Variants in AP4E1 observed in about 807,000 individuals in gnomAD.
AP4E1 encodes the protein AP-4 complex subunit epsilon-1.
In AP4E1, 56 loss-of-function variants were observed where a neutral mutation model predicts 128.2. The observed-to-expected ratio is 0.44, with a 90% CI of 0.35 to 0.55. The LOEUF is 0.55. Ranked by LOEUF, AP4E1 falls within the 20% of genes least tolerant of loss-of-function variation. AP4E1 has a pLI of 0.00. For synonymous variants in AP4E1, 484 were observed against 473.1 expected, an observed-to-expected ratio of 1.02 and a Z score of -0.30; for missense variants, 1,324 against 1,307.7, an observed-to-expected ratio of 1.01 and a Z score of -0.19.
At chr15:50,952,441 C>T (rs1038874736) in intron 13 of AP4E1, among the ~76,000 whole-genome samples, 5 of 148,728 alleles carry the variant, frequency 3.4e-5, no homozygotes, top group African/African-American at 5.0e-5. Context: ...ACTCAGGAGG[C>T]GGAGGTTGCA....
intron 14 of AP4E1, among the ~76,000 whole-genome samples, chr15:50,967,284 G>A (rs1019341469): frequency 2.0e-5 from 3 of 152,302 alleles, no homozygotes; most frequent in Admixed American, 1.3e-4. Context: ...CTTGGTAGAT[G>A]TGATGAAATT....
intron 20 of AP4E1, 67 bp downstream of exon 20, chr15:51,001,250 A>G (rs2064959262): frequency 2.8e-6 from 4 of 1,437,954 alleles, no homozygotes; most frequent in East Asian, 2.3e-5. Flanking sequence ...AACACAAATC[A>G]ACTCTTACAA....
intron 10 of AP4E1, chr15:50,945,851 C>A: frequency 1.2e-6 from 1 of 824,426 alleles, no homozygotes; most frequent in Non-Finnish European, 2.1e-6. Flanking sequence ...TGACATCTAC[C>A]AAAATCTATC....
At chr15:50,995,520 G>A (rs1199232294) in intron 17 of AP4E1, among the ~76,000 whole-genome samples, 1 of 151,456 alleles carries the variant, frequency 6.6e-6, no homozygotes. Context: ...CCAGTAGCTG[G>A]GATTACAGGC....
intron 3 of AP4E1, among the ~76,000 whole-genome samples, chr15:50,919,618 T>C (rs1444402099): frequency 6.6e-6 from 1 of 152,040 alleles, no homozygotes; most frequent in Non-Finnish European, 1.5e-5. Flanking sequence ...TTTATATGTA[T>C]CATTTTATAG....
rs2064268259 is a variant in AP4E1, at chr15:50,958,708, C to T, written c.1765C>T (p.His589Tyr). The T allele has an allele frequency of 6.2e-7, 1 of 1,614,124 alleles. No homozygotes were observed. Among genetic ancestry groups the T allele is most frequent in the Non-Finnish European group, 8.5e-7 (1 of 1,179,994 alleles). Residue 589 changes from histidine to tyrosine, a missense_variant, in exon 14 of 21, where the codon CAT becomes TAT. Physicochemically the swap from His to Tyr is moderately conservative, Grantham distance 83. Coordinates refer to ENST00000261842, the MANE Select transcript of AP4E1 (RefSeq NM_007347.5). Reference protein sequence around the residue: ...TISLDTCMRQHAFELKHLHEN... With the variant: ...TISLDTCMRQYAFELKHLHEN... ...ATCTTTGGATACTTGTATGAGACAA[C>T]ATGCATTTGAATTAAAACATTTGCA...
intron 3 of AP4E1, among the ~76,000 whole-genome samples, chr15:50,920,082 A>C (rs2063678990): frequency 6.7e-6 from 1 of 149,710 alleles, no homozygotes; most frequent in South Asian, 2.1e-4. Flanking sequence ...GTCTAAAAAA[A>C]AAAAAAAAAA....
At chr15:50,932,106 A>C (rs1314357625) in intron 7 of AP4E1, among the ~76,000 whole-genome samples, 1 of 151,958 alleles carries the variant, frequency 6.6e-6, no homozygotes, top group Admixed American at 6.6e-5. Context: ...CAGTTTCCCA[A>C]GTAGCTGGGA....
chr15:50,920,659 A>G (rs951278934), intron 3 of AP4E1, among the ~76,000 whole-genome samples: 1 of 152,074 alleles, frequency 6.6e-6, no homozygotes, highest in Non-Finnish European at 1.5e-5. Flanking sequence ...TGGCCTCCCA[A>G]AGTGCTGGGA....
Position 50,925,106 on chromosome 15 carries a change from G to C in AP4E1, c.429G>C (p.Gln143His), listed in dbSNP as rs747230955. Reference sequence around the variant, plus strand: ...GCTTAATGTTGTGCCAGGATCTGCAGAGCACTAACCTAGTAGAAGTGTGTA... The same window carrying C: ...GCTTAATGTTGTGCCAGGATCTGCACAGCACTAACCTAGTAGAAGTGTGTA... ...LLVNTVVKDL[Q>H]STNLVEVCMA... Residue 143 changes from glutamine to histidine, a missense_variant, in exon 5 of 21, where the codon CAG becomes CAC. Coordinates refer to ENST00000261842, the MANE Select transcript of AP4E1 (RefSeq NM_007347.5). 1.2e-6 allele frequency: 2 copies of C among 1,613,942 alleles called. No homozygotes were observed.
chr15:50,995,980 CTTTTTTTTTTTTTTT>C (rs1199189475), intron 17 of AP4E1, among the ~76,000 whole-genome samples: 1 of 91,796 alleles, frequency 1.1e-5, no homozygotes, highest in Non-Finnish European at 2.1e-5. Flanking sequence ...TAATATACAT[CTTTTTTTTTTTTTTT>C]TTTTTTTTTT....
intron 1 of AP4E1, among the ~76,000 whole-genome samples, chr15:50,909,525 G>A (rs2063537863): frequency 6.6e-6 from 1 of 152,156 alleles, no homozygotes; most frequent in Non-Finnish European, 1.5e-5. Context: ...AATTTGCTAA[G>A]TCTCTGCCTC....
At chr15:50,983,064 TAAAG>T (rs1261461019) in intron 15 of AP4E1, among the ~76,000 whole-genome samples, 11 of 152,266 alleles carry the variant, frequency 7.2e-5, no homozygotes, top group Admixed American at 3.9e-4. Context: ...AATTAAAAAA[TAAAG>T]AAACAAAGTG....
chr15:50,914,778 A>G (rs1173467558), intron 2 of AP4E1, among the ~76,000 whole-genome samples: 1 of 152,144 alleles, frequency 6.6e-6, no homozygotes, highest in Non-Finnish European at 1.5e-5. Context: ...TGATAAAACA[A>G]ATTTTTTAGC....
At chr15:50,962,732 A>G (rs537074454) in intron 14 of AP4E1, among the ~76,000 whole-genome samples, 1 of 152,108 alleles carries the variant, frequency 6.6e-6, no homozygotes, top group South Asian at 2.1e-4. Flanking sequence ...CACAGGCAAA[A>G]AAGACAAAAA....
intron 6 of AP4E1, 74 bp downstream of exon 6, chr15:50,929,242 G>A (rs1328225429): frequency 6.7e-7 from 1 of 1,493,646 alleles, no homozygotes; most frequent in Non-Finnish European, 9.2e-7. Context: ...AAAAGAAACA[G>A]ATATTTTGGT....
chr15:50,950,144 A>T lies in AP4E1; in HGVS notation c.1523A>T (p.Gln508Leu). 5 of 1,612,424 alleles carry T rather than the reference A, an allele frequency of 3.1e-6. No individual in the cohort carries two copies. Among genetic ancestry groups the T allele is most frequent in the Non-Finnish European group, 4.2e-6 (5 of 1,178,908 alleles). Residue 508 changes from glutamine (Q) to leucine (L), a missense_variant, in exon 13 of 21, where the codon CAG becomes CTG. By Grantham distance (113) the Gln-to-Leu change is moderately radical. Coordinates refer to ENST00000261842, the MANE Select transcript of AP4E1 (RefSeq NM_007347.5). ...LLDMENVFYP[Q>L]RFLQVMSWVL... Reference sequence around the variant, plus strand: ...GATATGGAAAATGTGTTCTATCCACAGAGATTTCTTCAAGTTATGAGTTGG... The same window carrying T: ...GATATGGAAAATGTGTTCTATCCACTGAGATTTCTTCAAGTTATGAGTTGG...
intron 20 of AP4E1, among the ~76,000 whole-genome samples, chr15:51,002,098 C>T (rs28702978): frequency 6.6e-6 from 1 of 152,104 alleles, no homozygotes; most frequent in African/African-American, 2.4e-5. Flanking sequence ...CTAGGCAGGT[C>T]TAGAACTCCT....
At chr15:50,985,036 A>G (rs2064699628) in intron 16 of AP4E1, among the ~76,000 whole-genome samples, 1 of 152,084 alleles carries the variant, frequency 6.6e-6, no homozygotes, top group African/African-American at 2.4e-5. Flanking sequence ...TGTGGTTTTG[A>G]TTTGCATTCC....
Sources: gnomAD v4.1 joint callset for allele counts (sites outside exome capture counted in the v4.1 genomes callset) on GRCh38, gnomAD v4.1.1 for gene constraint, MANE v1.5 for transcripts, NCBI Gene and HGNC (gene_info 2026-07-23, HGNC 2026-07-21) for gene names.